Variants in KHDRBS3 observed in about 807,000 individuals in gnomAD.
KHDRBS3 encodes the protein KH RNA binding domain containing, signal transduction associated 3, also known as KH domain-containing, RNA-binding, signal transduction-associated protein 3.
In KHDRBS3, 23 loss-of-function variants were observed where a neutral mutation model predicts 45.6. The observed-to-expected ratio is 0.50, with a 90% CI of 0.36 to 0.72. The LOEUF (loss-of-function observed/expected upper bound fraction) is 0.72. Ranked by LOEUF, KHDRBS3 falls within the 30% of genes least tolerant of loss-of-function variation. The probability of loss-of-function intolerance (pLI) is 0.00; values close to 1 mark genes in which losing one functional copy is unlikely to be tolerated. For synonymous variants in KHDRBS3, 162 were observed against 156.5 expected (o/e 1.04, Z -0.26); for missense variants, 352 against 424.8 (o/e 0.83, Z 1.51).
chr8:135,582,468 T>A (rs1828262326), intron 6 of KHDRBS3, among the ~76,000 whole-genome samples: 1 of 152,252 alleles, frequency 6.6e-6, no homozygotes, highest in East Asian at 1.9e-4. Flanking sequence ...TGTTTCCTTT[T>A]AAGCTACTCT....
At chr8:135,465,289 A>G (rs1821638864) in intron 1 of KHDRBS3, among the ~76,000 whole-genome samples, 1 of 152,194 alleles carries the variant, frequency 6.6e-6, no homozygotes, top group African/African-American at 2.4e-5. Flanking sequence ...TTTAGACGTA[A>G]GTACAGTGTC....
At chr8:135,607,667 G>A (rs1829526590) in intron 7 of KHDRBS3, among the ~76,000 whole-genome samples, 1 of 152,154 alleles carries the variant, frequency 6.6e-6, no homozygotes, top group African/African-American at 2.4e-5. Flanking sequence ...TCCTAAATAT[G>A]TGGAAACCTT....
rs562749152 is a variant in KHDRBS3 at position 135,617,813 on chromosome 8, A to T, written c.890+10776A>T. Among the ~76,000 whole-genome samples, 204 of 152,334 alleles carry T rather than the reference A, an allele frequency of 1.3e-3. 1 individual carries two copies. Among genetic ancestry groups the T allele is most frequent in the Non-Finnish European group, 2.3e-3 (154 of 68,030 alleles). ...TCTCCAGTCAATAAAATCCCAACAA[A>T]TAATCTGAATAAAATTATGCATGCC... On this transcript the variant is annotated intron_variant, in intron 7 of 8. Transcript: ENST00000355849.
chr8:135,512,830 T>A (rs954282883), intron 1 of KHDRBS3, among the ~76,000 whole-genome samples: 1 of 152,190 alleles, frequency 6.6e-6, no homozygotes, highest in Non-Finnish European at 1.5e-5. Context: ...ATATATTCTG[T>A]TGTGGTACAA....
intron 7 of KHDRBS3, among the ~76,000 whole-genome samples, chr8:135,612,176 A>G (rs1008271007): frequency 6.6e-6 from 1 of 151,834 alleles, no homozygotes; most frequent in Non-Finnish European, 1.5e-5. Context: ...TACTGTCTCC[A>G]TTGCCTTTCA....
intron 2 of KHDRBS3, among the ~76,000 whole-genome samples, chr8:135,537,959 T>C (rs539953417): frequency 3.9e-5 from 6 of 152,214 alleles, no homozygotes; most frequent in African/African-American, 1.4e-4. Context: ...TTTGAAAAGG[T>C]GACTGCAAGA....
At chr8:135,551,774 GT>G (rs1257262106) in intron 4 of KHDRBS3, among the ~76,000 whole-genome samples, 1 of 152,046 alleles carries the variant, frequency 6.6e-6, no homozygotes, top group Non-Finnish European at 1.5e-5. Flanking sequence ...ATTTCTTCCT[GT>G]GGATAGAGCT....
intron 1 of KHDRBS3, among the ~76,000 whole-genome samples, chr8:135,516,793 T>C (rs1185499797): frequency 6.6e-6 from 1 of 152,160 alleles, no homozygotes; most frequent in East Asian, 1.9e-4. Flanking sequence ...TTGTGAGTAA[T>C]ATTCCACATC....
chr8:135,626,419 A>G (rs1830362215), intron 7 of KHDRBS3, among the ~76,000 whole-genome samples: 1 of 152,206 alleles, frequency 6.6e-6, no homozygotes, highest in South Asian at 2.1e-4. Context: ...GACCTCTCAC[A>G]TGGACATCAG....
At chr8:135,594,927 G>A (rs746140797) in intron 6 of KHDRBS3, among the ~76,000 whole-genome samples, 47 of 152,182 alleles carry the variant, frequency 3.1e-4, no homozygotes, top group Non-Finnish European at 4.1e-4. Context: ...GAAGACGTGT[G>A]TAAGAATCCT....
At chr8:135,638,615 C>T (rs1345524313) in intron 7 of KHDRBS3, among the ~76,000 whole-genome samples, 1 of 152,142 alleles carries the variant, frequency 6.6e-6, no homozygotes, top group African/African-American at 2.4e-5. Context: ...ACATAGCGTT[C>T]ATAAAGTCCA....
chr8:135,575,120 G>A lies in KHDRBS3; in HGVS notation c.612-6758G>A, dbSNP rs140428432. On this transcript the variant is annotated intron_variant, in intron 5 of 8. Coordinates refer to ENST00000355849, the MANE Select transcript of KHDRBS3 (RefSeq NM_006558.3). ...TATGGTCTAGGATTTTAAAGAAAAA[G>A]CCTAATTTACAATAGTCATTAAAGG... Among the ~76,000 whole-genome samples the A allele has an allele frequency of 5.3e-4, 80 of 152,278 alleles. No homozygotes were observed. In the East Asian group the frequency reaches 0.014, roughly 27 times the overall value.
intron 7 of KHDRBS3, among the ~76,000 whole-genome samples, chr8:135,619,130 T>G (rs1274375393): frequency 6.6e-6 from 1 of 152,246 alleles, no homozygotes; most frequent in Non-Finnish European, 1.5e-5. Context: ...TTCAGTGTTC[T>G]GTAAAGGACC....
At chr8:135,652,035 G>A (rs1186067208), downstream of KHDRBS3, among the ~76,000 whole-genome samples, 4 of 152,132 alleles carry the variant, frequency 2.6e-5, no homozygotes, top group Non-Finnish European at 5.9e-5. Flanking sequence ...ATGAAAATAT[G>A]AGACATTTTA....
intron 1 of KHDRBS3, among the ~76,000 whole-genome samples, chr8:135,463,418 G>T (rs1453886180): frequency 6.6e-6 from 1 of 152,158 alleles, no homozygotes; most frequent in African/African-American, 2.4e-5. Flanking sequence ...TGAGTGAAAT[G>T]CAGGGTTGAA....
chr8:135,557,326 G>T, intron 4 of KHDRBS3, 122 bp from the exon 5 acceptor site: 4 of 472,212 alleles, frequency 8.5e-6, no homozygotes, highest in Non-Finnish European at 1.1e-5. Flanking sequence ...TTTGTATTTT[G>T]TTTTGTAAAT....
intron 6 of KHDRBS3, among the ~76,000 whole-genome samples, chr8:135,588,503 C>T (rs181135793): frequency 6.6e-6 from 1 of 152,294 alleles, no homozygotes; most frequent in East Asian, 1.9e-4. Flanking sequence ...CTCCAGCCCC[C>T]TCCCCTCCTT....
rs11988204 is a variant in KHDRBS3 at position 135,641,440 on chromosome 8, A to G, written c.891-3619A>G. 2.9e-3 allele frequency among the ~76,000 whole-genome samples: 444 copies of G among 152,360 alleles called. 3 individuals carry two copies. Among genetic ancestry groups the G allele is most frequent in the African/African-American group, 0.01 (432 of 41,574 alleles). ...CAACAGAGATAAAATTCTCAAGAAC[A>G]TCAAGGTTGTATTTGTCTGAGGAGC... On this transcript the variant is annotated intron_variant, in intron 7 of 8. Coordinates refer to ENST00000355849, the MANE Select transcript of KHDRBS3 (RefSeq NM_006558.3).
intron 4 of KHDRBS3, among the ~76,000 whole-genome samples, chr8:135,556,484 G>A (rs1030250331): frequency 5.3e-5 from 8 of 152,184 alleles, no homozygotes; most frequent in Non-Finnish European, 8.8e-5. Flanking sequence ...CTAATGGCCA[G>A]TATGATGAGC....
Sources: gnomAD v4.1 joint callset for allele counts (sites outside exome capture counted in the v4.1 genomes callset) on GRCh38, gnomAD v4.1.1 for gene constraint, MANE v1.5 for transcripts, NCBI Gene and HGNC (gene_info 2026-07-23, HGNC 2026-07-21) for gene names.